Variants in ITGA1 observed in about 807,000 individuals in gnomAD.
The protein encoded by ITGA1 is integrin subunit alpha 1.
Under a neutral mutation model 145.9 loss-of-function variants are expected in ITGA1, and 85 were observed. The ratio of observed to expected loss-of-function variants is 0.58; its 90% confidence interval spans 0.49 to 0.70. ITGA1 has a LOEUF of 0.70. ITGA1 is among the 30% of genes least tolerant of loss of function. The pLI, the probability that ITGA1 is intolerant of heterozygous loss-of-function variation, is 0.00. For missense variants in ITGA1, 1,351 were observed against 1,418.7 expected (o/e 0.95, Z 0.77); for synonymous variants, 520 against 495.3 (o/e 1.05, Z -0.66).
chr5:52,893,933 AC>A, intron 9 of ITGA1, 93 bp downstream of exon 9: 2 of 875,890 alleles, frequency 2.3e-6, no homozygotes, highest in Non-Finnish European at 3.4e-6. Flanking sequence ...CATCAGTAAT[AC>A]TTTTTTTTTT....
chr5:52,852,302 T>G (rs1430147551), intron 2 of ITGA1, among the ~76,000 whole-genome samples: 2 of 152,194 alleles, frequency 1.3e-5, no homozygotes, highest in Non-Finnish European at 2.9e-5. Flanking sequence ...TTATGAAACT[T>G]AATTTGGGAA....
Position 52,956,881 on chromosome 5 carries a change from A to G in ITGA1, c.*4430A>G, listed in dbSNP as rs796153245. 8 of 152,344 alleles carry G rather than the reference A, an allele frequency of 5.3e-5. No homozygotes were observed. Among genetic ancestry groups the G allele is most frequent in the African/African-American group, 1.9e-4 (8 of 41,584 alleles). 9.4% of individuals were successfully genotyped at this position (152,344 alleles called of 1,614,324 possible). On this transcript the variant is annotated 3_prime_UTR_variant, in exon 29 of 29. Coordinates refer to ENST00000282588, the MANE Select transcript of ITGA1 (RefSeq NM_181501.2). Reference sequence around the variant, plus strand: ...GGTGAGTCCTCTGGCTGCCAATCAGACTGCTGATTCTAAACCATTCTCACA... The same window carrying G: ...GGTGAGTCCTCTGGCTGCCAATCAGGCTGCTGATTCTAAACCATTCTCACA...
At chr5:52,791,368 T>C (rs1748235437) in intron 1 of ITGA1, among the ~76,000 whole-genome samples, 1 of 152,134 alleles carries the variant, frequency 6.6e-6, no homozygotes, top group Non-Finnish European at 1.5e-5. Flanking sequence ...AGTGTTAGTT[T>C]GATTATGAAC....
At chr5:52,929,835 T>C in intron 21 of ITGA1, 134 bp downstream of exon 21, 1 of 495,376 alleles carries the variant, frequency 2.0e-6, no homozygotes, top group Non-Finnish European at 3.6e-6. Flanking sequence ...GGAAGGCAAT[T>C]AACCACTTTG....
intron 1 of ITGA1, among the ~76,000 whole-genome samples, chr5:52,808,676 C>CTTTCTTTTTTTTTTTTTTTTTTTTTT (rs1554041033): frequency 1.6e-4 from 11 of 69,330 alleles, no homozygotes; most frequent in Admixed American, 5.8e-4. Context: ...TTCTTTCTTT[C>CTTTCTTTTTTTTTTTTTTTTTTTTTT]TTTTTTTTTT....
At chr5:52,931,293 A>G (rs1750890575) in intron 21 of ITGA1, 1 of 152,184 alleles carries the variant, frequency 6.6e-6, no homozygotes, top group South Asian at 2.1e-4. Flanking sequence ...CCCATTTTAT[A>G]GATGAAGAAA....
At chr5:52,848,644 T>C (rs1749375556) in intron 1 of ITGA1, among the ~76,000 whole-genome samples, 1 of 152,144 alleles carries the variant, frequency 6.6e-6, no homozygotes, top group Non-Finnish European at 1.5e-5. Flanking sequence ...TTGTTACATA[T>C]GTATACATGT....
chr5:52,925,612 A>T, intron 19 of ITGA1, 125 bp downstream of exon 19: 1 of 692,278 alleles, frequency 1.4e-6, no homozygotes, highest in Non-Finnish European at 2.4e-6. Flanking sequence ...TTTTTACATT[A>T]GTCCTCACCA....
chr5:52,925,405 C>T lies in ITGA1; in HGVS notation c.2531C>T (p.Thr844Ile). Residue 844 changes from threonine to isoleucine, a missense_variant, in exon 19 of 29, where the codon ACA (threonine) becomes ATA (isoleucine). Transcript: ENST00000282588. ...SQNDKFNVSL[T>I]VKNTKDSAYN... Reference sequence around the variant, plus strand: ...AATGATAAGTTCAACGTTAGCCTCACAGTCAAAAATACAAAGGACAGTGCC... The same window carrying T: ...AATGATAAGTTCAACGTTAGCCTCATAGTCAAAAATACAAAGGACAGTGCC... 6.2e-7 allele frequency: 1 copy of T among 1,614,058 alleles called. No homozygotes were observed. Among genetic ancestry groups the T allele is most frequent in the Non-Finnish European group, 8.5e-7 (1 of 1,179,918 alleles).
chr5:52,917,046 A>C (rs1459392484), intron 15 of ITGA1, among the ~76,000 whole-genome samples: 3 of 152,180 alleles, frequency 2.0e-5, no homozygotes, highest in African/African-American at 7.2e-5. Context: ...CACGAAGACT[A>C]AGATTCACAA....
At chr5:52,944,334 C>A (rs374785562) in intron 26 of ITGA1, among the ~76,000 whole-genome samples, 2 of 152,266 alleles carry the variant, frequency 1.3e-5, no homozygotes, top group East Asian at 1.9e-4. Context: ...CCTCCCTCAC[C>A]CCTTCTCCAG....
At chr5:52,801,919 A>G in intron 1 of ITGA1, 1 of 1,129,230 alleles carries the variant, frequency 8.9e-7, no homozygotes, top group Non-Finnish European at 1.2e-6. Context: ...TGTGACAGAA[A>G]GCTGCAAGAA....
chr5:52,918,661 T>C, intron 15 of ITGA1, 71 bp from the exon 16 acceptor site: 1 of 1,495,264 alleles, frequency 6.7e-7, no homozygotes, highest in Non-Finnish European at 9.0e-7. Flanking sequence ...TGCACTCACT[T>C]TGCACTCCCA....
chr5:52,908,983 T>G lies in ITGA1; in HGVS notation c.1541T>G (p.Met514Arg). Residue 514 changes from methionine (M) to arginine (R), a missense_variant, in exon 13 of 29, where the codon ATG (methionine) becomes AGG (arginine). Physicochemically the swap from Met to Arg is moderately conservative, Grantham distance 91. Transcript: ENST00000282588. ...NTDILLVGAPMYMGTEKEEQG... is the reference protein window; with the variant it reads ...NTDILLVGAPRYMGTEKEEQG... ...GACATTCTTCTAGTCGGAGCCCCTA[T>G]GTACATGGGAACAGAGAAGGAGGAG... 1 of 1,613,916 alleles carries G rather than the reference T, an allele frequency of 6.2e-7. No individual in the cohort carries two copies. The highest frequency in any genetic ancestry group is 8.5e-7 in the Non-Finnish European group (1 of 1,179,864).
At chr5:52,807,625 C>A (rs1273256051) in intron 1 of ITGA1, among the ~76,000 whole-genome samples, 1 of 152,104 alleles carries the variant, frequency 6.6e-6, no homozygotes, top group Non-Finnish European at 1.5e-5. Context: ...TTTATGCAAT[C>A]ATTTTTAATG....
At chr5:52,928,976 A>T (rs1428066636) in intron 20 of ITGA1, among the ~76,000 whole-genome samples, 1 of 152,194 alleles carries the variant, frequency 6.6e-6, no homozygotes, top group Non-Finnish European at 1.5e-5. Flanking sequence ...TGTGGTGTGG[A>T]ACTTAAGCAT....
At chr5:52,930,319 C>T (rs763524143) in intron 21 of ITGA1, among the ~76,000 whole-genome samples, 65 of 151,940 alleles carry the variant, frequency 4.3e-4, no homozygotes, top group African/African-American at 1.3e-3. Context: ...TAGATGTAGA[C>T]GAAATGAATA....
rs373001778 is a variant in ITGA1 at position 52,848,555 on chromosome 5, G to A, written c.62-810G>A. 3.3e-5 allele frequency among the ~76,000 whole-genome samples: 5 copies of A among 152,038 alleles called. No individual in the cohort carries two copies. In the East Asian group the frequency reaches 7.7e-4, roughly 23 times the overall value. ...ATTTGTGTTCTTTAAAGTCATTATG[G>A]TTTTTTATTTTTTATTGTATTATTA... On this transcript the variant is annotated intron_variant, in intron 1 of 28. Transcript: ENST00000282588.
chr5:52,910,467 T>C, intron 14 of ITGA1, 48 bp downstream of exon 14: 1 of 1,579,058 alleles, frequency 6.3e-7, no homozygotes, highest in Non-Finnish European at 8.7e-7. Context: ...ATAAGTCGGT[T>C]CAATGCCAGG....
Sources: gnomAD v4.1 joint callset for allele counts (sites outside exome capture counted in the v4.1 genomes callset) on GRCh38, gnomAD v4.1.1 for gene constraint, MANE v1.5 for transcripts, NCBI Gene and HGNC (gene_info 2026-07-23, HGNC 2026-07-21) for gene names.